Variants in ARHGAP6 observed in about 807,000 individuals in gnomAD.
The protein encoded by ARHGAP6 is Rho GTPase activating protein 6, also known as rho GTPase-activating protein 6.
ARHGAP6 carries 16 observed loss-of-function variants against 55.7 expected under a neutral mutation model. The ratio of observed to expected loss-of-function variants is 0.29; its 90% CI spans 0.19 to 0.44. The LOEUF is 0.44. ARHGAP6 is among the 20% of genes least tolerant of loss of function. The pLI is 1.00. For missense variants in ARHGAP6, 698 were observed against 808.9 expected (o/e 0.86, Z 1.66); for synonymous variants, 382 against 360.9 (o/e 1.06, Z -0.66).
rs35340720 is a variant in ARHGAP6 at position 11,214,257 on chromosome X, GCACA to G, written c.749-17265_749-17262del. 2.9e-3 allele frequency among the ~76,000 whole-genome samples: 293 copies of G among 100,941 alleles called. 1 individual carries two copies. The highest frequency in any genetic ancestry group is 8.2e-3 in the African/African-American group (229 of 27,961). 87.7% of individuals were successfully genotyped at this position (100,941 alleles called of 115,157 possible). On this transcript the variant is annotated intron_variant, in intron 2 of 12. Coordinates refer to ENST00000337414, the MANE Select transcript of ARHGAP6 (RefSeq NM_013427.3). Reference sequence around the variant, plus strand: ...ATATAAAAGGAAAACCTTTGCTTAAGCACACACACACACACACACACACACACGT... The same window carrying G: ...ATATAAAAGGAAAACCTTTGCTTAAGCACACACACACACACACACACACGT...
intron 1 of ARHGAP6, among the ~76,000 whole-genome samples, chrX:11,329,243 C>A (rs1258742118): frequency 1.8e-5 from 2 of 111,714 alleles, no homozygotes; most frequent in East Asian, 5.6e-4. Flanking sequence ...GATTCATCAG[C>A]TCTCTGTAAG....
At chrX:11,308,512 C>T (rs908950351) in intron 1 of ARHGAP6, among the ~76,000 whole-genome samples, 1 of 111,644 alleles carries the variant, frequency 9.0e-6, no homozygotes, top group Non-Finnish European at 1.9e-5. Flanking sequence ...CATTAGTACC[C>T]TAATCAGTTA....
At chrX:11,630,167 T>G (rs991777507) in intron 1 of ARHGAP6, among the ~76,000 whole-genome samples, 1 of 111,583 alleles carries the variant, frequency 9.0e-6, no homozygotes, top group Admixed American at 9.5e-5. Context: ...GATAGATAGA[T>G]AGAAAGTTGT....
In ARHGAP6 at chrX:11,266,474, C is replaced by A. The variant is rs1433061407; in HGVS notation, c.589-11767G>T. 2.7e-5 allele frequency among the ~76,000 whole-genome samples: 3 copies of A among 111,640 alleles called. No individual in the cohort carries two copies. The Admixed American group carries it at 2.9e-4, about 11-fold the overall frequency. On this transcript the variant is annotated intron_variant, in intron 1 of 12. Coordinates refer to ENST00000337414, the MANE Select transcript of ARHGAP6 (RefSeq NM_013427.3). ...CTTTCACACTGAAGCATAACACATG[C>A]TCTGTATTTTATCCTCTTTGTGGGA...
intron 2 of ARHGAP6, among the ~76,000 whole-genome samples, chrX:11,231,679 C>G (rs1243643163): frequency 8.9e-6 from 1 of 112,211 alleles, no homozygotes; most frequent in Non-Finnish European, 1.9e-5. Flanking sequence ...TAAGTCTGCC[C>G]TGATTTCTGT....
chrX:11,351,291 C>A, intron 1 of ARHGAP6: 1 of 854,665 alleles, frequency 1.2e-6, no homozygotes, highest in South Asian at 2.8e-5. Flanking sequence ...ACTTTACATT[C>A]TAATATATTT....
At chrX:11,162,200 G>T (rs1288738532) in intron 9 of ARHGAP6, among the ~76,000 whole-genome samples, 1 of 110,417 alleles carries the variant, frequency 9.1e-6, no homozygotes, top group East Asian at 2.8e-4. Flanking sequence ...TACATGAAAA[G>T]AAACATCATC....
chrX:11,274,069 G>A (rs1025100322), intron 1 of ARHGAP6, among the ~76,000 whole-genome samples: 3 of 111,190 alleles, frequency 2.7e-5, no homozygotes, highest in Non-Finnish European at 5.7e-5. Flanking sequence ...TGAGTTTGTG[G>A]TCTTAACCAC....
At chrX:11,297,193 C>T (rs1358151300) in intron 1 of ARHGAP6, among the ~76,000 whole-genome samples, 1 of 112,009 alleles carries the variant, frequency 8.9e-6, no homozygotes, top group East Asian at 2.8e-4. Flanking sequence ...CTCTTTCCAG[C>T]TCAAAAAACT....
chrX:11,174,632 T>C (rs1382307141), intron 8 of ARHGAP6, among the ~76,000 whole-genome samples: 2 of 30,604 alleles, frequency 6.5e-5, no homozygotes, highest in African/African-American at 3.1e-4. Context: ...CTTTTCTTTC[T>C]TTCTTTCTTT....
intron 1 of ARHGAP6, among the ~76,000 whole-genome samples, chrX:11,464,081 T>C (rs1403825402): frequency 1.8e-5 from 2 of 111,673 alleles, no homozygotes; most frequent in Non-Finnish European, 3.8e-5. Flanking sequence ...AGTTTTTGGA[T>C]AGATGCGGCT....
At chrX:11,223,821 A>G in intron 2 of ARHGAP6, among the ~76,000 whole-genome samples, 1 of 111,223 alleles carries the variant, frequency 9.0e-6, no homozygotes, top group East Asian at 2.8e-4. Context: ...GAGGAAATGA[A>G]AAGTAAACTG....
chrX:11,395,659 G>A (rs775468491), intron 1 of ARHGAP6, among the ~76,000 whole-genome samples: 5 of 112,059 alleles, frequency 4.5e-5, no homozygotes, highest in African/African-American at 1.6e-4. Context: ...AGACAGGCCC[G>A]GGGCACAGGA....
At chrX:11,270,973 G>C (rs182093333) in intron 1 of ARHGAP6, among the ~76,000 whole-genome samples, 1 of 111,565 alleles carries the variant, frequency 9.0e-6, no homozygotes, top group African/African-American at 3.3e-5. Flanking sequence ...GTATATCGCT[G>C]GTTCTACCAC....
At chrX:11,454,908 A>G (rs1212243898) in intron 1 of ARHGAP6, among the ~76,000 whole-genome samples, 1 of 112,416 alleles carries the variant, frequency 8.9e-6, no homozygotes, top group East Asian at 2.8e-4. Flanking sequence ...CTATGAACCA[A>G]TATTGAACTA....
At chrX:11,386,418 A>G (rs1214320471) in intron 1 of ARHGAP6, among the ~76,000 whole-genome samples, 1 of 111,860 alleles carries the variant, frequency 8.9e-6, no homozygotes, top group African/African-American at 3.3e-5. Flanking sequence ...GAGTTCAGGG[A>G]GAGGCCAGCA....
At chrX:11,306,407 T>C (rs1303788820) in intron 1 of ARHGAP6, among the ~76,000 whole-genome samples, 1 of 112,901 alleles carries the variant, frequency 8.9e-6, no homozygotes, top group Non-Finnish European at 1.9e-5. Flanking sequence ...ATCTGCTCAA[T>C]GAGCCATCAT....
At chrX:11,243,613 C>T (rs2047314186) in intron 2 of ARHGAP6, among the ~76,000 whole-genome samples, 1 of 111,765 alleles carries the variant, frequency 8.9e-6, no homozygotes, top group Non-Finnish European at 1.9e-5. Flanking sequence ...CTTAATGCCA[C>T]CAAAGGAACT....
chrX:11,257,310 A>T (rs1234085419), intron 1 of ARHGAP6, among the ~76,000 whole-genome samples: 1 of 112,249 alleles, frequency 8.9e-6, no homozygotes, highest in Non-Finnish European at 1.9e-5. Flanking sequence ...GGGCTTAATT[A>T]TCTGTAGTAG....
Sources: gnomAD v4.1 joint callset for allele counts (sites outside exome capture counted in the v4.1 genomes callset) on GRCh38, gnomAD v4.1.1 for gene constraint, MANE v1.5 for transcripts, NCBI Gene and HGNC (gene_info 2026-07-23, HGNC 2026-07-21) for gene names.